CDH4: variants seen among roughly 807,000 people sequenced by gnomAD.
The protein encoded by CDH4 is cadherin-4.
CDH4 carries 33 observed loss-of-function variants against 86.0 expected under a neutral mutation model. That is an observed-to-expected ratio of 0.38 (90% CI 0.29 to 0.51). The LOEUF is 0.51. Among genes scored for constraint, CDH4 ranks in the 20% least tolerant of loss-of-function variants. CDH4 has a pLI of 0.86. For missense variants in CDH4, 1,114 were observed against 1,307.4 expected (o/e 0.85, Z 2.28); for synonymous variants, 555 against 549.4 (o/e 1.01, Z -0.14).
intron 2 of CDH4, among the ~76,000 whole-genome samples, chr20:61,476,309 C>T (rs1467089191): frequency 2.6e-5 from 4 of 152,326 alleles, no homozygotes; most frequent in East Asian, 3.9e-4. Flanking sequence ...CCTCGGTAGA[C>T]GGAAGTCAAA....
At chr20:61,612,902 TGTCTA>T (rs891194505) in intron 2 of CDH4, among the ~76,000 whole-genome samples, 1 of 152,104 alleles carries the variant, frequency 6.6e-6, no homozygotes, top group Non-Finnish European at 1.5e-5. Context: ...CTCTGCCTAA[TGTCTA>T]CTACAGGGAA....
At chr20:61,897,631 C>T (rs1985193330) in intron 8 of CDH4, among the ~76,000 whole-genome samples, 1 of 152,162 alleles carries the variant, frequency 6.6e-6, no homozygotes, top group Admixed American at 6.5e-5. Flanking sequence ...CCGGCCACAC[C>T]ACCCTGGGGC....
At chr20:61,728,277 A>G (rs1306586618) in intron 2 of CDH4, among the ~76,000 whole-genome samples, 3 of 152,214 alleles carry the variant, frequency 2.0e-5, no homozygotes, top group Admixed American at 1.3e-4. Context: ...TGTGTCTTGC[A>G]TCCAGGAAGC....
At chr20:61,554,716 T>C (rs2086160990) in intron 2 of CDH4, among the ~76,000 whole-genome samples, 1 of 152,248 alleles carries the variant, frequency 6.6e-6, no homozygotes, top group African/African-American at 2.4e-5. Context: ...TGTGTGGGTG[T>C]TCCTGTGTGT....
At chr20:61,548,686 A>G (rs902080920) in intron 2 of CDH4, among the ~76,000 whole-genome samples, 1 of 152,190 alleles carries the variant, frequency 6.6e-6, no homozygotes. Flanking sequence ...CAAAGAGAAG[A>G]GTGAGAAATT....
At chr20:61,503,083 T>C (rs2085716311) in intron 2 of CDH4, among the ~76,000 whole-genome samples, 1 of 152,212 alleles carries the variant, frequency 6.6e-6, no homozygotes, top group Non-Finnish European at 1.5e-5. Flanking sequence ...TGCTGGGTAC[T>C]CCTCCCAGCA....
At chr20:61,639,008 T>A (rs1474306580) in intron 2 of CDH4, among the ~76,000 whole-genome samples, 2 of 152,220 alleles carry the variant, frequency 1.3e-5, no homozygotes, top group Non-Finnish European at 2.9e-5. Flanking sequence ...GGCTGCCTAG[T>A]CATGTTCATC....
At chr20:61,670,235 G>A (rs946266732) in intron 2 of CDH4, among the ~76,000 whole-genome samples, 66 of 152,222 alleles carry the variant, frequency 4.3e-4, no homozygotes, top group African/African-American at 1.4e-3. Context: ...TTCCCTTTGA[G>A]TTGACTCTGT....
chr20:61,572,214 A>G (rs115859235), intron 2 of CDH4, among the ~76,000 whole-genome samples: 3,107 of 152,152 alleles, frequency 0.02, 109 homozygotes, highest in African/African-American at 0.071. Context: ...GTCCAATTTC[A>G]CTTTAAAATG....
chr20:61,679,299 A>G (rs997186361), intron 2 of CDH4, among the ~76,000 whole-genome samples: 6 of 152,190 alleles, frequency 3.9e-5, no homozygotes, highest in Non-Finnish European at 5.9e-5. Context: ...CATAGTATAG[A>G]ACAGAGGTTC....
intron 2 of CDH4, among the ~76,000 whole-genome samples, chr20:61,330,905 A>G (rs764525315): frequency 2.0e-5 from 3 of 152,184 alleles, no homozygotes; most frequent in Non-Finnish European, 2.9e-5. Context: ...GTTTCCTATC[A>G]TAAAATCCTC....
chr20:61,329,441 T>TTC (rs35019609), intron 2 of CDH4, among the ~76,000 whole-genome samples: 1 of 32,754 alleles, frequency 3.1e-5, no homozygotes, highest in Non-Finnish European at 7.7e-5. Flanking sequence ...GTCCTCATGG[T>TTC]CCCCCGTGGG....
intron 7 of CDH4, 126 bp from the exon 8 acceptor site, chr20:61,894,784 C>A (rs1348313209): frequency 6.8e-6 from 7 of 1,028,906 alleles, no homozygotes; most frequent in Non-Finnish European, 9.9e-6. Flanking sequence ...CAGCACACAG[C>A]CCCCAGTGAA....
chr20:61,893,487 G>A (rs1568871347), intron 7 of CDH4, among the ~76,000 whole-genome samples: 1 of 134,632 alleles, frequency 7.4e-6, no homozygotes, highest in Non-Finnish European at 1.6e-5. Flanking sequence ...TAGAGGGATG[G>A]TGGATGGGTA....
intron 5 of CDH4, among the ~76,000 whole-genome samples, chr20:61,847,346 T>C (rs1412253872): frequency 6.6e-6 from 1 of 152,132 alleles, no homozygotes; most frequent in African/African-American, 2.4e-5. Flanking sequence ...ACAGCAGGGG[T>C]CCGGCTGTGC....
chr20:61,260,717 A>C (rs1296042663), intron 2 of CDH4, among the ~76,000 whole-genome samples: 1 of 152,196 alleles, frequency 6.6e-6, no homozygotes, highest in Non-Finnish European at 1.5e-5. Flanking sequence ...AGAGCCCATG[A>C]GGGAGACCGT....
At chr20:61,781,458 T>C (rs917591334) in intron 4 of CDH4, among the ~76,000 whole-genome samples, 2 of 152,052 alleles carry the variant, frequency 1.3e-5, no homozygotes, top group African/African-American at 2.4e-5. Context: ...TATAACCAAA[T>C]AGAAATGATA....
At chr20:61,291,728 G>A (rs947352496) in intron 2 of CDH4, among the ~76,000 whole-genome samples, 10 of 152,204 alleles carry the variant, frequency 6.6e-5, no homozygotes, top group Admixed American at 1.3e-4. Context: ...TCGGAGACTC[G>A]GTTTCCATTA....
chr20:61,920,761 GTCACAGTAATTGCATGGAAGCGTGGTA>G (rs1289876150), intron 9 of CDH4, among the ~76,000 whole-genome samples: 1 of 151,254 alleles, frequency 6.6e-6, no homozygotes, highest in Non-Finnish European at 1.5e-5. Context: ...GAAGCATGGT[GTCACAGTAATTGCATGGAAGCGTGGTA>G]TCATGGTGAT....
Sources: allele counts gnomAD v4.1 joint callset (sites outside exome capture counted in the v4.1 genomes callset), GRCh38; gene constraint gnomAD v4.1.1; transcripts MANE v1.5; gene names NCBI Gene and HGNC (gene_info 2026-07-23, HGNC 2026-07-21).